SND1: variants seen among roughly 807,000 people sequenced by gnomAD.
The protein encoded by SND1 is staphylococcal nuclease domain-containing protein 1.
Under a neutral mutation model 121.7 loss-of-function variants are expected in SND1, and 38 were observed. That is an observed-to-expected ratio of 0.31 (90% CI 0.24 to 0.41). The LOEUF (loss-of-function observed/expected upper bound fraction) is 0.41. SND1 is among the 10% of genes least tolerant of loss of function. SND1 has a pLI of 1.00. For synonymous variants in SND1, 401 were observed against 447.4 expected, an observed-to-expected ratio of 0.90 and a Z score of 1.31; for missense variants, 868 against 1,184.6, an observed-to-expected ratio of 0.73 and a Z score of 3.92.
chr7:127,765,863 T>A (rs565447875), intron 10 of SND1, among the ~76,000 whole-genome samples: 3 of 152,358 alleles, frequency 2.0e-5, no homozygotes, highest in Admixed American at 6.5e-5. Context: ...TCATTTCTTC[T>A]TTATAAGCAT....
At chr7:128,019,628 A>G (rs533429871) in intron 16 of SND1, among the ~76,000 whole-genome samples, 2 of 152,358 alleles carry the variant, frequency 1.3e-5, no homozygotes, top group African/African-American at 4.8e-5. Flanking sequence ...ACTCCACCCA[A>G]TGCACATTTC....
At chr7:127,871,377 G>C (rs552279880) in intron 12 of SND1, among the ~76,000 whole-genome samples, 1 of 152,278 alleles carries the variant, frequency 6.6e-6, no homozygotes, top group South Asian at 2.1e-4. Flanking sequence ...AGGATTCACA[G>C]TGCGGTAGGT....
chr7:127,705,319 C>A (rs929791355), intron 8 of SND1, among the ~76,000 whole-genome samples: 1 of 152,132 alleles, frequency 6.6e-6, no homozygotes, highest in Non-Finnish European at 1.5e-5. Context: ...AACAGACAGA[C>A]AAGAGCAGGG....
intron 16 of SND1, among the ~76,000 whole-genome samples, chr7:128,050,879 C>T (rs1225120084): frequency 6.6e-6 from 1 of 152,258 alleles, no homozygotes; most frequent in Admixed American, 6.5e-5. Flanking sequence ...GTCAGTCCTC[C>T]TGAGCTGAGA....
intron 12 of SND1, among the ~76,000 whole-genome samples, chr7:127,869,358 C>T (rs1467402476): frequency 1.3e-5 from 2 of 152,124 alleles, no homozygotes; most frequent in South Asian, 2.1e-4. Context: ...GTAGGCTGTA[C>T]ATGGCCTTTG....
chr7:127,703,233 T>C lies in SND1; in HGVS notation c.750T>C (p.Phe250=). ...TPEPFAAEAK[F]FTESRLLQRD... ...AGCCTTTTGCTGCAGAAGCCAAATT[T>C]TTCACTGAGTCGCGACTGCTTCAGA... The change falls in exon 7 of 24, where the codon TTT becomes TTC. Residue 250 remains phenylalanine, a synonymous_variant. Coordinates refer to ENST00000354725, the MANE Select transcript of SND1 (RefSeq NM_014390.4). 6.2e-7 allele frequency: 1 copy of C among 1,614,164 alleles called. No individual in the cohort carries two copies. The highest frequency in any genetic ancestry group is 8.5e-7 in the Non-Finnish European group (1 of 1,179,996).
At chr7:127,750,295 T>C (rs1024584254) in intron 10 of SND1, among the ~76,000 whole-genome samples, 2 of 152,182 alleles carry the variant, frequency 1.3e-5, no homozygotes, top group Admixed American at 6.5e-5. Context: ...CTGTAGGTCT[T>C]CCCTATGCTG....
intron 17 of SND1, among the ~76,000 whole-genome samples, chr7:128,076,302 G>T (rs1201371956): frequency 6.6e-6 from 1 of 152,212 alleles, no homozygotes; most frequent in Non-Finnish European, 1.5e-5. Flanking sequence ...CATTTTGCTG[G>T]TGCCACTTGA....
At chr7:128,031,275 C>A (rs1792592026) in intron 16 of SND1, among the ~76,000 whole-genome samples, 1 of 151,002 alleles carries the variant, frequency 6.6e-6, no homozygotes, top group South Asian at 2.1e-4. Flanking sequence ...CGGGGGAAGG[C>A]GCTTCATCGC....
intron 1 of SND1, among the ~76,000 whole-genome samples, chr7:127,686,273 A>G (rs188307843): frequency 1.3e-5 from 2 of 152,310 alleles, no homozygotes; most frequent in African/African-American, 4.8e-5. Context: ...ATTCTTAATA[A>G]TTGGAAAGAA....
At chr7:127,884,527 G>A (rs959923080) in intron 12 of SND1, among the ~76,000 whole-genome samples, 4 of 152,096 alleles carry the variant, frequency 2.6e-5, no homozygotes, top group Non-Finnish European at 4.4e-5. Flanking sequence ...GGGACATAGG[G>A]TTCCTCTGAC....
At chr7:127,745,856 G>A (rs539152607) in intron 10 of SND1, among the ~76,000 whole-genome samples, 51 of 152,334 alleles carry the variant, frequency 3.3e-4, no homozygotes, top group African/African-American at 1.2e-3. Flanking sequence ...GTCCTGGGTG[G>A]CCTGGGCCAT....
At chr7:127,917,282 G>A (rs1800601903) in intron 14 of SND1, among the ~76,000 whole-genome samples, 1 of 152,118 alleles carries the variant, frequency 6.6e-6, no homozygotes, top group South Asian at 2.1e-4. Context: ...TACACCGAAA[G>A]CACTAACTAT....
intron 12 of SND1, among the ~76,000 whole-genome samples, chr7:127,848,830 G>A (rs1799114474): frequency 6.6e-6 from 1 of 152,100 alleles, no homozygotes; most frequent in African/African-American, 2.4e-5. Flanking sequence ...CTTCTATAGG[G>A]TTTAGTCTAA....
intron 1 of SND1, among the ~76,000 whole-genome samples, chr7:127,665,869 C>T (rs1795407917): frequency 6.6e-6 from 1 of 152,226 alleles, no homozygotes; most frequent in South Asian, 2.1e-4. Context: ...ATCTGCTTGC[C>T]TATCAGGACT....
At chr7:127,742,128 T>G (rs929266573) in intron 10 of SND1, among the ~76,000 whole-genome samples, 1 of 152,144 alleles carries the variant, frequency 6.6e-6, no homozygotes, top group African/African-American at 2.4e-5. Flanking sequence ...TGGGCCTAGG[T>G]ATTCTTAGAA....
intron 15 of SND1, among the ~76,000 whole-genome samples, chr7:127,937,883 T>C (rs1801096295): frequency 6.6e-6 from 1 of 152,260 alleles, no homozygotes; most frequent in South Asian, 2.1e-4. Flanking sequence ...GAAATCCCAT[T>C]CTGCTATCAC....
At chr7:128,028,722 A>C in intron 16 of SND1, 1 of 1,613,984 alleles carries the variant, frequency 6.2e-7, no homozygotes, top group Non-Finnish European at 8.5e-7. Context: ...ATGGGTCTGA[A>C]TTATATAAGG....
At chr7:128,028,700 C>T (rs776856310) in intron 16 of SND1, 2 of 1,613,194 alleles carry the variant, frequency 1.2e-6, no homozygotes, top group East Asian at 2.2e-5. Context: ...TTTCCTGTAC[C>T]TTGTCCTTGG....
Sources: allele counts gnomAD v4.1 joint callset (sites outside exome capture counted in the v4.1 genomes callset), GRCh38; gene constraint gnomAD v4.1.1; transcripts MANE v1.5; gene names NCBI Gene and HGNC (gene_info 2026-07-23, HGNC 2026-07-21).